The following GRIN2A variants were observed in gnomAD, a reference collection of about 807,000 sequenced individuals.
GRIN2A encodes glutamate ionotropic receptor NMDA type subunit 2A.
In GRIN2A, 22 loss-of-function variants were observed where a neutral mutation model predicts 113.4. The ratio of observed to expected loss-of-function variants is 0.19; its 90% CI spans 0.14 to 0.28. The LOEUF (loss-of-function observed/expected upper bound fraction) is 0.28. Ranked by LOEUF, GRIN2A falls within the 10% of genes least tolerant of loss-of-function variation. The pLI is 1.00. For missense variants in GRIN2A, 1,502 were observed against 1,887.0 expected (o/e 0.80, Z 3.78); for synonymous variants, 827 against 738.4 (o/e 1.12, Z -1.94).
chr16:10,009,011 G>C (rs965286740), intron 2 of GRIN2A, among the ~76,000 whole-genome samples: 2 of 152,208 alleles, frequency 1.3e-5, no homozygotes, highest in Admixed American at 1.3e-4. Context: ...GATGGAGAGA[G>C]ACAGGCAATA....
At chr16:9,999,383 A>C (rs2046282703) in intron 2 of GRIN2A, among the ~76,000 whole-genome samples, 1 of 152,242 alleles carries the variant, frequency 6.6e-6, no homozygotes, top group African/African-American at 2.4e-5. Context: ...AAAATGTGGC[A>C]CATATACACT....
At chr16:10,023,282 C>T (rs2046758968) in intron 2 of GRIN2A, among the ~76,000 whole-genome samples, 2 of 152,178 alleles carry the variant, frequency 1.3e-5, no homozygotes, top group South Asian at 4.1e-4. Context: ...CCAACTGAGG[C>T]AGGGCTCTAT....
chr16:9,955,197 T>A (rs1474226453), intron 2 of GRIN2A, among the ~76,000 whole-genome samples: 1 of 152,192 alleles, frequency 6.6e-6, no homozygotes, highest in Non-Finnish European at 1.5e-5. Flanking sequence ...AATCACCACA[T>A]GGCCTGTGGA....
intron 2 of GRIN2A, among the ~76,000 whole-genome samples, chr16:10,126,960 T>A (rs2048952693): frequency 6.6e-6 from 1 of 152,146 alleles, no homozygotes; most frequent in Admixed American, 6.5e-5. Flanking sequence ...ACAAAGAGCC[T>A]TTTCTGGGGG....
At chr16:10,084,348 AC>A (rs1192178074) in intron 2 of GRIN2A, among the ~76,000 whole-genome samples, 1 of 152,026 alleles carries the variant, frequency 6.6e-6, no homozygotes, top group Non-Finnish European at 1.5e-5. Context: ...TACAGAGCAA[AC>A]CCCTTTTCAT....
intron 2 of GRIN2A, among the ~76,000 whole-genome samples, chr16:10,151,752 C>G (rs954972593): frequency 2.6e-4 from 39 of 152,136 alleles, no homozygotes; most frequent in African/African-American, 8.4e-4. Flanking sequence ...AATCCATTAA[C>G]TTAGTCTCTA....
intron 2 of GRIN2A, among the ~76,000 whole-genome samples, chr16:10,001,379 A>T (rs2141843318): frequency 6.6e-6 from 1 of 152,308 alleles, no homozygotes; most frequent in Admixed American, 6.5e-5. Context: ...CATCTTAAAC[A>T]ATAGAGATAC....
At chr16:10,106,032 T>G (rs2048494516) in intron 2 of GRIN2A, among the ~76,000 whole-genome samples, 1 of 152,246 alleles carries the variant, frequency 6.6e-6, no homozygotes, top group South Asian at 2.1e-4. Flanking sequence ...GCCTGCCAGC[T>G]ATGTTAAAAG....
intron 11 of GRIN2A, among the ~76,000 whole-genome samples, chr16:9,797,202 C>A (rs1170087010): frequency 1.3e-5 from 2 of 152,260 alleles, no homozygotes; most frequent in African/African-American, 2.4e-5. Flanking sequence ...CTGTAATCAT[C>A]TCTGAATATA....
chr16:9,813,655 A>G (rs1199828864), intron 10 of GRIN2A, among the ~76,000 whole-genome samples: 1 of 151,092 alleles, frequency 6.6e-6, no homozygotes, highest in Non-Finnish European at 1.5e-5. Context: ...ACGTTGTTTT[A>G]ATAGAGCTTA....
chr16:9,886,591 T>G (rs565088518), intron 4 of GRIN2A, among the ~76,000 whole-genome samples: 41 of 152,280 alleles, frequency 2.7e-4, no homozygotes, highest in African/African-American at 9.9e-4. Context: ...CACACTAAGA[T>G]CTAAGTTTCT....
rs886052519 is a variant in GRIN2A at position 9,754,993 on chromosome 16, T to C, written c.*8156A>G. 1 of 204,954 alleles carries C rather than the reference T, an allele frequency of 4.9e-6. No homozygotes were observed. Among genetic ancestry groups the C allele is most frequent in the South Asian group, 1.9e-4 (1 of 5,272 alleles). The allele number at this position is 204,954 out of a possible 1,614,324, so 12.7% of individuals were successfully genotyped here. A position where few individuals can be genotyped will look rare whatever the true frequency, so the allele number is the denominator to read the frequency against. ...CAGCTGTGGTATTGGCTATGAGTTA[T>C]GTTAATATCCTATTGAAGGTTCATC... On this transcript the variant is annotated 3_prime_UTR_variant, in exon 13 of 13. Coordinates refer to ENST00000330684, the MANE Select transcript of GRIN2A (RefSeq NM_001134407.3).
intron 2 of GRIN2A, among the ~76,000 whole-genome samples, chr16:10,057,746 A>C: frequency 6.6e-6 from 1 of 152,198 alleles, no homozygotes; most frequent in Non-Finnish European, 1.5e-5. Flanking sequence ...AAGACTGCAA[A>C]GCTTTCTTGA....
At chr16:9,970,419 C>T (rs114658069) in intron 2 of GRIN2A, among the ~76,000 whole-genome samples, 1 of 152,134 alleles carries the variant, frequency 6.6e-6, no homozygotes, top group African/African-American at 2.4e-5. Context: ...AATCCTGAAA[C>T]CTTTTCATCT....
At chr16:10,149,489 T>C (rs1233936125) in intron 2 of GRIN2A, among the ~76,000 whole-genome samples, 2 of 152,346 alleles carry the variant, frequency 1.3e-5, no homozygotes, top group Non-Finnish European at 2.9e-5. Context: ...ACTCTAAAAT[T>C]ATCCTCAAAT....
intron 2 of GRIN2A, among the ~76,000 whole-genome samples, chr16:10,138,557 C>T (rs944105537): frequency 1.3e-5 from 2 of 152,130 alleles, no homozygotes; most frequent in African/African-American, 4.8e-5. Context: ...CCCCGTTATC[C>T]AATCACCTCC....
intron 2 of GRIN2A, among the ~76,000 whole-genome samples, chr16:10,146,887 G>A (rs367658476): frequency 7.2e-5 from 11 of 152,050 alleles, no homozygotes; most frequent in Admixed American, 6.5e-4. Flanking sequence ...TCCAGAAGCC[G>A]CATGAGAAAC....
chr16:10,030,767 A>G (rs1376049340), intron 2 of GRIN2A, among the ~76,000 whole-genome samples: 1 of 152,198 alleles, frequency 6.6e-6, no homozygotes, highest in Non-Finnish European at 1.5e-5. Flanking sequence ...GTGCAGGGTG[A>G]TCATCTATTA....
chr16:9,968,108 G>T (rs1316853087), intron 2 of GRIN2A, among the ~76,000 whole-genome samples: 1 of 151,864 alleles, frequency 6.6e-6, no homozygotes, highest in African/African-American at 2.4e-5. Flanking sequence ...CCATTTTGCA[G>T]GAAAAAAGGA....
Sources: gnomAD v4.1 joint callset for allele counts (sites outside exome capture counted in the v4.1 genomes callset) on GRCh38, gnomAD v4.1.1 for gene constraint, MANE v1.5 for transcripts, NCBI Gene and HGNC (gene_info 2026-07-23, HGNC 2026-07-21) for gene names.